Variants in LIN52 observed in about 807,000 individuals in gnomAD.
LIN52 encodes lin-52 DREAM MuvB core complex component.
Under a neutral mutation model 18.5 loss-of-function variants are expected in LIN52, and 4 were observed. The ratio of observed to expected loss-of-function variants is 0.22; its 90% CI spans 0.11 to 0.49. The LOEUF is 0.49. Among genes scored for constraint, LIN52 ranks in the 20% least tolerant of loss-of-function variants. The pLI is 0.97. For missense variants in LIN52, 102 were observed against 139.5 expected (o/e 0.73, Z 1.35); for synonymous variants, 34 against 45.5 (o/e 0.75, Z 1.02).
chr14:74,104,890 T>C (rs2060887070), intron 5 of LIN52, among the ~76,000 whole-genome samples: 1 of 152,152 alleles, frequency 6.6e-6, no homozygotes, highest in Admixed American at 6.5e-5. Flanking sequence ...TCTTCATCAG[T>C]CTTATACCTA....
At chr14:74,116,683 T>C (rs1345970260) in intron 5 of LIN52, among the ~76,000 whole-genome samples, 1 of 150,480 alleles carries the variant, frequency 6.6e-6, no homozygotes, top group Non-Finnish European at 1.5e-5. Context: ...CACTCCAGCC[T>C]GGGTGACAGA....
At chr14:74,177,526 C>T (rs1182324808) in intron 5 of LIN52, among the ~76,000 whole-genome samples, 1 of 152,212 alleles carries the variant, frequency 6.6e-6, no homozygotes, top group African/African-American at 2.4e-5. Context: ...TCATTAGTCT[C>T]TCCTATGTCT....
At chr14:74,105,948 T>C (rs1300067513) in intron 5 of LIN52, among the ~76,000 whole-genome samples, 3 of 152,234 alleles carry the variant, frequency 2.0e-5, no homozygotes, top group Non-Finnish European at 2.9e-5. Context: ...TTTGAATTGG[T>C]ACATGATTAT....
intron 5 of LIN52, among the ~76,000 whole-genome samples, chr14:74,187,716 T>C (rs1182865588): frequency 6.6e-6 from 1 of 152,244 alleles, no homozygotes; most frequent in African/African-American, 2.4e-5. Flanking sequence ...CAAGTGTCGG[T>C]TGAATTAACT....
intron 5 of LIN52, among the ~76,000 whole-genome samples, chr14:74,121,264 A>G (rs2060998012): frequency 6.6e-6 from 1 of 152,170 alleles, no homozygotes; most frequent in Admixed American, 6.5e-5. Flanking sequence ...ACTTTTCTCT[A>G]TTCAGCAATT....
chr14:74,088,435 A>G (rs1031402538), intron 1 of LIN52, among the ~76,000 whole-genome samples: 18 of 152,022 alleles, frequency 1.2e-4, no homozygotes, highest in African/African-American at 4.1e-4. Flanking sequence ...GTTGCCCAGG[A>G]TGGTCTCAAA....
chr14:74,098,157 T>G (rs1475933299), intron 4 of LIN52, among the ~76,000 whole-genome samples: 1 of 152,172 alleles, frequency 6.6e-6, no homozygotes, highest in Non-Finnish European at 1.5e-5. Context: ...ATTTTTTCAT[T>G]TAATTCCCAT....
intron 5 of LIN52, among the ~76,000 whole-genome samples, chr14:74,139,173 A>C (rs913034330): frequency 1.3e-5 from 2 of 152,238 alleles, no homozygotes; most frequent in Non-Finnish European, 2.9e-5. Context: ...GCCTTCCTGG[A>C]AGTCCCACAG....
chr14:74,148,998 A>G (rs187435446), intron 5 of LIN52, among the ~76,000 whole-genome samples: 24 of 152,360 alleles, frequency 1.6e-4, no homozygotes, highest in Admixed American at 5.2e-4. Flanking sequence ...TACCTATCAG[A>G]GTCACAAAAA....
chr14:74,169,090 TA>T (rs539498059), intron 5 of LIN52, among the ~76,000 whole-genome samples: 166 of 152,256 alleles, frequency 1.1e-3, no homozygotes, highest in African/African-American at 3.8e-3. Flanking sequence ...AAAGGAATGT[TA>T]AAATTTGGAA....
chr14:74,096,493 T>C (rs1182888113), intron 3 of LIN52, among the ~76,000 whole-genome samples: 2 of 152,226 alleles, frequency 1.3e-5, no homozygotes, highest in Middle Eastern at 3.4e-3. Context: ...GTATGTGTTT[T>C]TGTTTTTTTG....
At chr14:74,144,983 A>C (rs979845203) in intron 5 of LIN52, among the ~76,000 whole-genome samples, 1 of 152,236 alleles carries the variant, frequency 6.6e-6, no homozygotes, top group Non-Finnish European at 1.5e-5. Context: ...AAAACAAGGC[A>C]CGTGATAGAA....
At chr14:74,121,445 T>C (rs10136156) in intron 5 of LIN52, among the ~76,000 whole-genome samples, 4,911 of 152,360 alleles carry the variant, frequency 0.032, 202 homozygotes, top group African/African-American at 0.097. Flanking sequence ...ATTTTCCTTA[T>C]TCGTTCCTTT....
At chr14:74,181,617 C>A (rs2061319207) in intron 5 of LIN52, among the ~76,000 whole-genome samples, 1 of 149,834 alleles carries the variant, frequency 6.7e-6, no homozygotes, top group East Asian at 1.9e-4. Flanking sequence ...TATATGTTAA[C>A]CATAAGCAGG....
chr14:74,113,821 C>G (rs985850585), intron 5 of LIN52, among the ~76,000 whole-genome samples: 1 of 151,940 alleles, frequency 6.6e-6, no homozygotes, highest in South Asian at 2.1e-4. Flanking sequence ...CAAACCATAG[C>G]CTTACCACTG....
At chr14:74,092,012 C>T (rs1388860775) in intron 2 of LIN52, among the ~76,000 whole-genome samples, 3 of 152,070 alleles carry the variant, frequency 2.0e-5, no homozygotes, top group East Asian at 3.9e-4. Flanking sequence ...CTCTCTCTGT[C>T]GCCCAGGGTG....
intron 5 of LIN52, among the ~76,000 whole-genome samples, chr14:74,195,463 T>A (rs1040781508): frequency 2.6e-5 from 4 of 152,156 alleles, no homozygotes; most frequent in African/African-American, 9.7e-5. Flanking sequence ...CCAAAGAGAT[T>A]TGAAATTCCT....
intron 5 of LIN52, among the ~76,000 whole-genome samples, chr14:74,126,812 A>G (rs2061032328): frequency 6.6e-6 from 1 of 152,250 alleles, no homozygotes; most frequent in Non-Finnish European, 1.5e-5. Context: ...ACTTGATACA[A>G]GTGGTGATTG....
intron 5 of LIN52, among the ~76,000 whole-genome samples, chr14:74,123,819 T>A (rs2061012870): frequency 6.6e-6 from 1 of 152,168 alleles, no homozygotes; most frequent in Non-Finnish European, 1.5e-5. Flanking sequence ...GAGAAGCACA[T>A]TGCCATGTGA....
Sources: allele counts gnomAD v4.1 joint callset (sites outside exome capture counted in the v4.1 genomes callset), GRCh38; gene constraint gnomAD v4.1.1; transcripts MANE v1.5; gene names NCBI Gene and HGNC (gene_info 2026-07-23, HGNC 2026-07-21).